The following NHLH2 variants were observed in gnomAD, a reference collection of about 807,000 sequenced individuals.
NHLH2 encodes the protein helix-loop-helix protein 2.
Under a neutral mutation model 7.3 loss-of-function variants are expected in NHLH2, and 7 were observed. The ratio of observed to expected loss-of-function variants is 0.96; its 90% confidence interval spans 0.55 to 1.81. NHLH2 has a LOEUF of 1.81. Ranked by LOEUF, NHLH2 falls within the 40% of genes most tolerant of loss-of-function variation. NHLH2 has a pLI of 0.00. For synonymous variants in NHLH2, 93 were observed against 91.6 expected, an observed-to-expected ratio of 1.01 and a Z score of -0.09; for missense variants, 155 against 194.0, an observed-to-expected ratio of 0.80 and a Z score of 1.19.
downstream of NHLH2, among the ~76,000 whole-genome samples, chr1:115,835,830 A>G (rs543946914): frequency 2.4e-4 from 35 of 146,418 alleles, no homozygotes; most frequent in African/African-American, 8.7e-4. Flanking sequence ...TCTTATCTCA[A>G]GGTTGGTCCA....
At chr1:115,839,983 A>G (rs1332535792) in intron 2 of NHLH2, 4 of 167,058 alleles carry the variant, frequency 2.4e-5, no homozygotes, top group African/African-American at 9.6e-5. Flanking sequence ...GGCAGAAATA[A>G]ATAGACGAGT....
At chr1:115,832,126 G>A (rs771979296), downstream of NHLH2, among the ~76,000 whole-genome samples, 5 of 152,108 alleles carry the variant, frequency 3.3e-5, no homozygotes, top group African/African-American at 4.8e-5. Context: ...GTCTGCTATA[G>A]TGCTTATCAC....
intron 2 of NHLH2, chr1:115,838,876 C>G (rs1650967219): frequency 6.0e-6 from 1 of 168,030 alleles, no homozygotes; most frequent in African/African-American, 2.4e-5. Context: ...GCGAAGCAAC[C>G]CGGCAGCCGC....
At chr1:115,835,952 G>A (rs1360277680), downstream of NHLH2, among the ~76,000 whole-genome samples, 2 of 152,042 alleles carry the variant, frequency 1.3e-5, no homozygotes, top group Non-Finnish European at 2.9e-5. Context: ...AGTGCCATGA[G>A]GATTGAGAGT....
downstream of NHLH2, among the ~76,000 whole-genome samples, chr1:115,834,070 A>C (rs1650812132): frequency 2.6e-5 from 4 of 152,162 alleles, no homozygotes. Context: ...ACTCCCACCC[A>C]GTCTCATTTC....
chr1:115,837,538 A>C lies in NHLH2; in HGVS notation c.*427T>G. The C allele has an allele frequency of 5.9e-6, 1 of 170,464 alleles. No individual in the cohort carries two copies. Among genetic ancestry groups the C allele is most frequent in the Non-Finnish European group, 1.2e-5 (1 of 80,904 alleles). 10.6% of individuals were successfully genotyped at this position (170,464 alleles called of 1,614,324 possible). On this transcript the variant is annotated 3_prime_UTR_variant, in exon 3 of 3. Transcript: ENST00000320238. ...TGTTTGGTGATTTGTCCATTAGAAA[A>C]ATTCCAGATAGCCTAAAGTTATGAG...
At chr1:115,831,688 G>A (rs987624475), downstream of NHLH2, among the ~76,000 whole-genome samples, 10 of 672 alleles carry the variant, frequency 0.015, no homozygotes, top group African/African-American at 0.017. Context: ...AAAGGCCTAG[G>A]GGGGGGCGGA....
At chr1:115,832,422 T>C (rs1050385852), downstream of NHLH2, among the ~76,000 whole-genome samples, 1 of 152,264 alleles carries the variant, frequency 6.6e-6, no homozygotes, top group African/African-American at 2.4e-5. Context: ...TAGCTTATCC[T>C]ATGTTAATTC....
downstream of NHLH2, among the ~76,000 whole-genome samples, chr1:115,834,035 G>A (rs146588118): frequency 0.013 from 1,922 of 152,300 alleles, 28 homozygotes; most frequent in Middle Eastern, 0.037. Flanking sequence ...CCTGTGGGAA[G>A]CGGGTATTCC....
intron 2 of NHLH2, 21 bp from the exon 3 acceptor site, chr1:115,838,401 T>A (rs1650947665): frequency 6.2e-7 from 1 of 1,606,668 alleles, no homozygotes; most frequent in Admixed American, 1.7e-5. Context: ...GTCGGAAAAT[T>A]AATCAGTAAA....
chr1:115,835,775 T>C (rs1650854021), downstream of NHLH2, among the ~76,000 whole-genome samples: 1 of 152,234 alleles, frequency 6.6e-6, no homozygotes, highest in Non-Finnish European at 1.5e-5. Flanking sequence ...AAGCAATACA[T>C]TTCGCATTTT....
rs754344296 is a variant in NHLH2, at chr1:115,837,925, C to G, written c.*40G>C. On this transcript the variant is annotated 3_prime_UTR_variant, in exon 3 of 3. Transcript: ENST00000320238. ...GCCCGTCCGGATCCGTAGCGTTTCGCGGACGCCGGGACAGGCGGCCCCCCG... is the reference window on the plus strand; with the variant it reads ...GCCCGTCCGGATCCGTAGCGTTTCGGGGACGCCGGGACAGGCGGCCCCCCG... 8.2e-5 allele frequency: 129 copies of G among 1,572,120 alleles called. No homozygotes were observed. The highest frequency in any genetic ancestry group is 1.1e-4 in the Non-Finnish European group (124 of 1,161,646).
In NHLH2 at chr1:115,837,471, C is replaced by G. The variant is rs1650910625; in HGVS notation, c.*494G>C. 6.5e-6 allele frequency: 1 copy of G among 154,612 alleles called. No individual in the cohort carries two copies. The highest frequency in any genetic ancestry group is 2.4e-5 in the African/African-American group (1 of 41,492). The allele number at this position is 154,612 out of a possible 1,614,324, so 9.6% of individuals were successfully genotyped here. ...TTCCAGTCGCACCTTTCTGTGCCTT[C>G]CATCTCTATGGGAGAGATCCCTCCT... On this transcript the variant is annotated 3_prime_UTR_variant, in exon 3 of 3. Coordinates refer to ENST00000320238, the MANE Select transcript of NHLH2 (RefSeq NM_005599.3).
intron 2 of NHLH2, chr1:115,839,346 T>C: frequency 6.0e-6 from 1 of 166,468 alleles, no homozygotes; most frequent in Non-Finnish European, 1.5e-5. Context: ...GAGCTGCATC[T>C]CTGCCGGCAA....
downstream of NHLH2, among the ~76,000 whole-genome samples, chr1:115,835,303 T>C (rs1347364182): frequency 1.3e-5 from 2 of 152,220 alleles, no homozygotes; most frequent in East Asian, 3.8e-4. Flanking sequence ...GGAGCAGGGC[T>C]AATTATTCTC....
chr1:115,837,646 C>G lies in NHLH2; in HGVS notation c.*319G>C, dbSNP rs1270333375. The G allele has an allele frequency of 2.8e-6, 1 of 355,460 alleles. No individual in the cohort carries two copies. The highest frequency in any genetic ancestry group is 5.1e-6 in the Non-Finnish European group (1 of 197,094). 22.0% of individuals were successfully genotyped at this position (355,460 alleles called of 1,614,324 possible). ...TGAATGTAGGAGAACTCAAAGTCTC[C>G]AGTGGGTTAAAACCACAACCCTTGG... On this transcript the variant is annotated 3_prime_UTR_variant, in exon 3 of 3. Coordinates refer to ENST00000320238, the MANE Select transcript of NHLH2 (RefSeq NM_005599.3).
chr1:115,838,530 G>A, intron 2 of NHLH2, 150 bp from the exon 3 acceptor site: 1 of 846,238 alleles, frequency 1.2e-6, no homozygotes. Context: ...GCGGGAGGGC[G>A]CCGATAGGAT....
chr1:115,837,711 G>T lies in NHLH2; in HGVS notation c.*254C>A, dbSNP rs1361321966. On this transcript the variant is annotated 3_prime_UTR_variant, in exon 3 of 3. Transcript: ENST00000320238. Reference sequence around the variant, plus strand: ...GGCTCATCTCGGGTGTCTCCACGAGGTTCTCCTGGCCTGGAAAATCCCCCC... The same window carrying T: ...GGCTCATCTCGGGTGTCTCCACGAGTTTCTCCTGGCCTGGAAAATCCCCCC... The T allele has an allele frequency of 1.0e-5, 5 of 494,392 alleles. No homozygotes were observed. Among genetic ancestry groups the T allele is most frequent in the Non-Finnish European group, 1.8e-5 (5 of 282,804 alleles). 30.6% of individuals were successfully genotyped at this position (494,392 alleles called of 1,614,324 possible).
intron 2 of NHLH2, chr1:115,839,442 C>T (rs907201270): frequency 1.5e-4 from 25 of 166,958 alleles, no homozygotes; most frequent in African/African-American, 5.3e-4. Context: ...CGGTGCTTAG[C>T]CTTCCTCTAA....
Sources: allele counts gnomAD v4.1 joint callset (sites outside exome capture counted in the v4.1 genomes callset), GRCh38; gene constraint gnomAD v4.1.1; transcripts MANE v1.5; gene names NCBI Gene and HGNC (gene_info 2026-07-23, HGNC 2026-07-21).